SAXO5: variants seen among roughly 807,000 people sequenced by gnomAD.
SAXO5 encodes the protein stabilizer of axonemal microtubules 5.
chr19:7,506,806 C>G, the SAXO5 span: 1 of 485,430 alleles, frequency 2.1e-6, no homozygotes, highest in South Asian at 2.2e-5. Flanking sequence ...TCCTCCCCCA[C>G]CTCCTCCCTC....
chr19:7,508,114 CT>C, the SAXO5 span: 1 of 1,085,066 alleles, frequency 9.2e-7, no homozygotes, highest in Non-Finnish European at 1.4e-6. Context: ...GCCCCGCCCC[CT>C]GACTCATCAG....
chr19:7,503,493 G>T, the SAXO5 span, among the ~76,000 whole-genome samples: 1 of 151,922 alleles, frequency 6.6e-6, no homozygotes, highest in South Asian at 2.1e-4. Flanking sequence ...TATTGTGTGT[G>T]TGTGTTTTTG....
chr19:7,506,914 T>C, the SAXO5 span: 1,342 of 558,604 alleles, frequency 2.4e-3, 23 homozygotes, highest in African/African-American at 0.024. Flanking sequence ...CCCTCCCCCC[T>C]CTCCTAATCC....
chr19:7,505,676 A>C, the SAXO5 span: 1 of 1,539,226 alleles, frequency 6.5e-7, no homozygotes, highest in Non-Finnish European at 9.0e-7. Flanking sequence ...TCCCAGACAG[A>C]GCAAATAGCA....
At chr19:7,498,870 CTG>C in the SAXO5 span, 1 of 152,652 alleles carries the variant, frequency 6.6e-6, no homozygotes, top group Non-Finnish European at 1.5e-5. Flanking sequence ...TCCCAGGTGA[CTG>C]AGCAGAGGCG....
chr19:7,506,310 C>A, the SAXO5 span: 3 of 726,672 alleles, frequency 4.1e-6, no homozygotes, highest in Non-Finnish European at 7.2e-6. Flanking sequence ...GGAAGCCTCG[C>A]CCTTGCCACT....
the SAXO5 span, chr19:7,504,070 G>A: frequency 7.9e-6 from 7 of 884,856 alleles, no homozygotes; most frequent in Non-Finnish European, 1.2e-5. Flanking sequence ...TGAGATGGCA[G>A]GGAATCTCAA....
chr19:7,497,840 G>A, the SAXO5 span, among the ~76,000 whole-genome samples: 1 of 152,000 alleles, frequency 6.6e-6, no homozygotes, highest in African/African-American at 2.4e-5. Context: ...CTATTGCAGG[G>A]GGCAAATGAT....
chr19:7,501,524 T>C, the SAXO5 span: 3 of 1,188,966 alleles, frequency 2.5e-6, no homozygotes, highest in South Asian at 5.5e-5. Flanking sequence ...CTTTTGGTGG[T>C]CAGGACTTGG....
At chr19:7,498,180 C>CACAT in the SAXO5 span, among the ~76,000 whole-genome samples, 54 of 147,644 alleles carry the variant, frequency 3.7e-4, no homozygotes, top group African/African-American at 1.2e-3. Context: ...TACACACACA[C>CACAT]ACACACACAC....
the SAXO5 span, among the ~76,000 whole-genome samples, chr19:7,498,274 G>GACA: frequency 6.6e-6 from 1 of 151,546 alleles, no homozygotes; most frequent in Non-Finnish European, 1.5e-5. Flanking sequence ...GCGGTAGCGT[G>GACA]GTCTCGGATC....
At chr19:7,507,201 A>G in the SAXO5 span, 1 of 1,422,534 alleles carries the variant, frequency 7.0e-7, no homozygotes, top group East Asian at 2.3e-5. Context: ...GTGTAGAGTT[A>G]TCTCAGGACG....
At chr19:7,507,002 C>G in the SAXO5 span, 1 of 1,462,652 alleles carries the variant, frequency 6.8e-7, no homozygotes, top group South Asian at 1.1e-5. Flanking sequence ...ACCACACCCT[C>G]AGCCCCGCCT....
At chr19:7,507,170 C>CT in the SAXO5 span, 1 of 1,565,064 alleles carries the variant, frequency 6.4e-7, no homozygotes, top group Non-Finnish European at 8.8e-7. Flanking sequence ...AGCCACCCAT[C>CT]ATTAGGCAAC....
At chr19:7,506,178 G>C in the SAXO5 span, 6 of 1,556,588 alleles carry the variant, frequency 3.9e-6, no homozygotes, top group Non-Finnish European at 5.2e-6. Flanking sequence ...GAGCGCTCCC[G>C]GGAAGCCCCG....
At chr19:7,506,237 C>G in the SAXO5 span, 1 of 670,992 alleles carries the variant, frequency 1.5e-6, no homozygotes, top group Admixed American at 4.5e-5. Context: ...AGCCCCGCCC[C>G]CATGGAGCCC....
chr19:7,504,343 G>T, the SAXO5 span: 1 of 1,614,208 alleles, frequency 6.2e-7, no homozygotes, highest in Non-Finnish European at 8.5e-7. Context: ...GAGACTGCAA[G>T]ATCAGCTATG....
the SAXO5 span, among the ~76,000 whole-genome samples, chr19:7,501,935 GAGGA>G: frequency 2.1e-5 from 3 of 141,604 alleles, no homozygotes; most frequent in African/African-American, 7.6e-5. Flanking sequence ...GGGAGGGAGG[GAGGA>G]AGACTTGGGG....
At chr19:7,497,657 C>T in the SAXO5 span, 1 of 152,164 alleles carries the variant, frequency 6.6e-6, no homozygotes, top group Admixed American at 6.6e-5. Context: ...TTCTAAAACT[C>T]ATTGATTCAC....
Sources: gnomAD v4.1 joint callset for allele counts (sites outside exome capture counted in the v4.1 genomes callset) on GRCh38, gnomAD v4.1.1 for gene constraint, MANE v1.5 for transcripts, NCBI Gene and HGNC (gene_info 2026-07-23, HGNC 2026-07-21) for gene names.